PER2: variants seen among roughly 807,000 people sequenced by gnomAD.
The protein encoded by PER2 is period circadian regulator 2.
PER2 carries 66 observed loss-of-function variants against 121.0 expected under a neutral mutation model. The observed-to-expected ratio is 0.55, with a 90% CI of 0.45 to 0.67. The LOEUF (loss-of-function observed/expected upper bound fraction) is 0.67, where lower values mean the gene tolerates loss of function less well. Among genes scored for constraint, PER2 ranks in the 30% least tolerant of loss-of-function variants. The pLI is 0.00. For missense variants in PER2, 1,521 were observed against 1,635.0 expected, an observed-to-expected ratio of 0.93 and a Z score of 1.20; for synonymous variants, 684 against 659.9, an observed-to-expected ratio of 1.04 and a Z score of -0.56.
intron 4 of PER2, among the ~76,000 whole-genome samples, chr2:238,275,519 T>C (rs528612311): frequency 6.6e-5 from 10 of 152,088 alleles, no homozygotes; most frequent in South Asian, 4.1e-4. Context: ...TGAGACCCCA[T>C]CTCTACAAAA....
chr2:238,271,634 G>A (rs1167368050), intron 5 of PER2, 121 bp from the exon 6 acceptor site: 2 of 754,266 alleles, frequency 2.7e-6, no homozygotes, highest in African/African-American at 1.7e-5. Context: ...GGGGCTCTCT[G>A]ACTCCCTTGC....
chr2:238,268,253 T>C lies in PER2; in HGVS notation c.825-55A>G. The C allele has an allele frequency of 6.4e-7, 1 of 1,571,018 alleles. No homozygotes were observed. The highest frequency in any genetic ancestry group is 8.7e-7 in the Non-Finnish European group (1 of 1,146,218). On this transcript the variant is annotated intron_variant, in intron 7 of 22. Coordinates refer to ENST00000254657, the MANE Select transcript of PER2 (RefSeq NM_022817.3). This position sits in a 1 kb window ranked among gnomAD's most constrained non-coding sequence, Gnocchi z 4.0. ...GAACTGTGACACAGGAACAGTCCCCTGTTCTGTTCCCTCCTCACCTGGGCC... is the reference window on the plus strand; with the variant it reads ...GAACTGTGACACAGGAACAGTCCCCCGTTCTGTTCCCTCCTCACCTGGGCC...
At chr2:238,271,211 G>C in intron 6 of PER2, 101 bp downstream of exon 6, 1 of 1,034,228 alleles carries the variant, frequency 9.7e-7, no homozygotes, top group Non-Finnish European at 1.5e-6. Context: ...GGTGGGCTCT[G>C]AAAGGTGAGG....
At chr2:238,260,991 G>C (rs758651132) in intron 12 of PER2, 38 bp from the exon 13 acceptor site, 2 of 1,604,598 alleles carry the variant, frequency 1.2e-6, no homozygotes, top group Middle Eastern at 1.7e-4. Context: ...ACACAGCCAG[G>C]GCTGCTGAGC....
At chr2:238,291,773 A>T (rs1336585435), upstream of PER2, among the ~76,000 whole-genome samples, 2 of 152,264 alleles carry the variant, frequency 1.3e-5, no homozygotes, top group East Asian at 3.9e-4. Context: ...CAGCTCACAG[A>T]GGTGACCTCA....
intron 4 of PER2, among the ~76,000 whole-genome samples, chr2:238,274,645 C>T (rs1696396183): frequency 6.6e-6 from 1 of 152,232 alleles, no homozygotes; most frequent in African/African-American, 2.4e-5. Flanking sequence ...CGAACTTTCC[C>T]TTTGGCTCCT....
At chr2:238,279,200 C>T (rs1052847916) in intron 1 of PER2, among the ~76,000 whole-genome samples, 3 of 152,146 alleles carry the variant, frequency 2.0e-5, no homozygotes, top group African/African-American at 4.8e-5. Flanking sequence ...CCCACTCAAG[C>T]GGGGCACTGG....
At chr2:238,294,648 G>A (rs187080289), upstream of PER2, among the ~76,000 whole-genome samples, 9 of 152,228 alleles carry the variant, frequency 5.9e-5, no homozygotes, top group East Asian at 1.7e-3. Flanking sequence ...TCAACACCAC[G>A]ACGCCAAAGG....
At chr2:238,283,114 TAGGAGGGAGAGCTCGCTTGCTGGAC>T (rs1389806634) in intron 1 of PER2, among the ~76,000 whole-genome samples, 1 of 152,214 alleles carries the variant, frequency 6.6e-6, no homozygotes, top group East Asian at 1.9e-4. Flanking sequence ...GGCAGCTGGA[TAGGAGGGAGAGCTCGCTTGCTGGAC>T]AGGAGGCAAG....
Position 238,253,091 on chromosome 2 carries a change from G to A in PER2, c.2932C>T (p.Pro978Ser), listed in dbSNP as rs1262077676. The A allele has an allele frequency of 2.5e-6, 4 of 1,610,698 alleles. No homozygotes were observed. The highest frequency in any genetic ancestry group is 3.4e-6 in the Non-Finnish European group (4 of 1,177,762). The stretch of plus-strand genomic sequence containing the variant: ...CTGCTGCGGGACTGAAAGAGCGGTG[G>A]GGAGGCCCTACCCATGGCCGATGGT... ...TPPSAMGRAS[P>S]PLFQSRSSSP... is the part of the protein sequence containing the mutation. Residue 978 changes from proline to serine, a missense_variant, in exon 19 of 23, where the codon CCA (proline) becomes TCA (serine). By Grantham distance (74) the Pro-to-Ser change is moderately conservative. Coordinates refer to ENST00000254657, the MANE Select transcript of PER2 (RefSeq NM_022817.3). This position sits in a 1 kb window ranked among gnomAD's most constrained non-coding sequence, Gnocchi z 5.6.
At chr2:238,282,942 T>G (rs903381598) in intron 1 of PER2, among the ~76,000 whole-genome samples, 4 of 151,950 alleles carry the variant, frequency 2.6e-5, no homozygotes, top group African/African-American at 9.7e-5. Flanking sequence ...CTCTCAGGCT[T>G]GCAGCCACGT....
intron 2 of PER2, 84 bp downstream of exon 2, chr2:238,277,623 T>G: frequency 6.7e-7 from 1 of 1,482,034 alleles, no homozygotes; most frequent in Non-Finnish European, 9.3e-7. Context: ...ATTTAAAGAT[T>G]GCAAAAGCAA....
intron 5 of PER2, 49 bp from the exon 6 acceptor site, chr2:238,271,562 C>T (rs779000272): frequency 1.1e-4 from 159 of 1,410,286 alleles, no homozygotes; most frequent in Middle Eastern, 1.8e-4. Context: ...TGGTGTCGGA[C>T]GCCACATCCG....
upstream of PER2, among the ~76,000 whole-genome samples, chr2:238,294,701 C>A (rs1483261721): frequency 2.0e-5 from 3 of 152,216 alleles, no homozygotes; most frequent in African/African-American, 7.2e-5. Context: ...GAGAAACCAC[C>A]TTTGTCTGCA....
rs77311618 is a variant in PER2 at position 238,275,808 on chromosome 2, G to T, written c.383C>A (p.Ala128Asp). ...GGCCAGCGTACTGGCCTTGCCCTTG[G>T]CCTTCTTGTCTGCAGGGAGGTGGAC... ...LKVHLPADKK[A>D]KGKASTLATL... The change falls in exon 4 of 23, where the codon GCC becomes GAC. Residue 128 changes from alanine (A) to aspartate (D), a missense_variant. Transcript: ENST00000254657. The T allele has an allele frequency of 4.7e-4, 763 of 1,614,070 alleles. 1 individual carries two copies. The highest frequency in any genetic ancestry group is 6.0e-4 in the Non-Finnish European group (705 of 1,179,984).
chr2:238,265,085 CAG>C (rs1696052401), intron 9 of PER2, among the ~76,000 whole-genome samples: 1 of 152,164 alleles, frequency 6.6e-6, no homozygotes, highest in Non-Finnish European at 1.5e-5. Context: ...GGGGGAGACC[CAG>C]AGAGAGGGAC....
the PER2 span, chr2:238,295,916 C>T: frequency 9.0e-6 from 2 of 222,652 alleles, no homozygotes; most frequent in Non-Finnish European, 1.8e-5. Context: ...GAACTCTTTG[C>T]AAGCACGGAT....
chr2:238,248,953 C>A (rs777460435), intron 22 of PER2, 109 bp downstream of exon 22: 7 of 1,260,156 alleles, frequency 5.6e-6, no homozygotes, highest in African/African-American at 2.9e-5. Context: ...CCGCGCCCGG[C>A]CTAATTTTAG....
upstream of PER2, among the ~76,000 whole-genome samples, chr2:238,290,981 G>A (rs567947888): frequency 6.6e-6 from 1 of 152,354 alleles, no homozygotes; most frequent in East Asian, 1.9e-4. Context: ...CAGAGAGAGA[G>A]CGCAAATTGG....
Sources: gnomAD v4.1 joint callset for allele counts (sites outside exome capture counted in the v4.1 genomes callset) on GRCh38, gnomAD v4.1.1 for gene constraint, Gnocchi (gnomAD v3.1) non-coding constraint, MANE v1.5 for transcripts, NCBI Gene and HGNC (gene_info 2026-07-23, HGNC 2026-07-21) for gene names.